The following USP42 variants were observed in gnomAD, a reference collection of about 807,000 sequenced individuals.
The protein encoded by USP42 is ubiquitin specific peptidase 42.
Under a neutral mutation model 113.0 loss-of-function variants are expected in USP42, and 23 were observed. The observed-to-expected ratio is 0.20, with a 90% CI of 0.15 to 0.29. The LOEUF (loss-of-function observed/expected upper bound fraction) is 0.29, where lower values mean the gene tolerates loss of function less well. Among genes scored for constraint, USP42 ranks in the 10% least tolerant of loss-of-function variants. The pLI, the probability that USP42 is intolerant of heterozygous loss-of-function variation, is 1.00. For synonymous variants in USP42, 933 were observed against 699.0 expected, an observed-to-expected ratio of 1.33 and a Z score of -5.28; for missense variants, 2,174 against 1,779.8, an observed-to-expected ratio of 1.22 and a Z score of -3.99.
chr7:6,148,729 T>C (rs1189221728), intron 12 of USP42, among the ~76,000 whole-genome samples: 1 of 152,172 alleles, frequency 6.6e-6, no homozygotes, highest in Non-Finnish European at 1.5e-5. Flanking sequence ...GAGTTTGTTT[T>C]GGATGATCAC....
intron 3 of USP42, among the ~76,000 whole-genome samples, chr7:6,130,099 C>G (rs765903001): frequency 6.6e-6 from 1 of 152,218 alleles, no homozygotes; most frequent in African/African-American, 2.4e-5. Context: ...AGTCCTCTTG[C>G]GTCGACCTCC....
rs768466240 is a variant in USP42, at chr7:6,157,084, A to G, written c.3943+29A>G. 6.5e-7 allele frequency: 1 copy of G among 1,538,824 alleles called. No homozygotes were observed. Among genetic ancestry groups the G allele is most frequent in the South Asian group, 1.3e-5 (1 of 79,536 alleles). ...AGAGGAGATACTTGGAATTAGGAAG[A>G]TAGAAACTATTTCTTAATACATTTT... On this transcript the variant is annotated intron_variant, in intron 16 of 17. Transcript: ENST00000306177. This position sits in a 1 kb window ranked among gnomAD's most constrained non-coding sequence, Gnocchi z 4.1.
chr7:6,083,373 A>G, the USP42 span, among the ~76,000 whole-genome samples: 1 of 150,158 alleles, frequency 6.7e-6, no homozygotes, highest in African/African-American at 2.5e-5. Flanking sequence ...CTCCTGCCTC[A>G]GCCTCTCAAG....
chr7:6,145,466 G>C, intron 9 of USP42, 50 bp from the exon 10 acceptor site: 1 of 1,610,970 alleles, frequency 6.2e-7, no homozygotes, highest in Non-Finnish European at 8.5e-7. Flanking sequence ...TGAATATGTG[G>C]AATGATCTGT....
At chr7:6,141,902 T>G (rs1421894655) in intron 7 of USP42, among the ~76,000 whole-genome samples, 1 of 152,246 alleles carries the variant, frequency 6.6e-6, no homozygotes, top group African/African-American at 2.4e-5. Flanking sequence ...TATTGTTCAC[T>G]TTTTATATAA....
intron 12 of USP42, 91 bp downstream of exon 12, chr7:6,147,983 C>A: frequency 7.8e-7 from 1 of 1,274,924 alleles, no homozygotes; most frequent in South Asian, 1.4e-5. Flanking sequence ...TTGCTGTGTC[C>A]TCAAATACAT....
At chr7:6,098,461 T>C in the USP42 span, among the ~76,000 whole-genome samples, 1 of 150,184 alleles carries the variant, frequency 6.7e-6, no homozygotes, top group South Asian at 2.1e-4. Flanking sequence ...ATTCCACTCC[T>C]CCCTTAGCAG....
chr7:6,145,424 C>T (rs2128509400), intron 9 of USP42, 92 bp from the exon 10 acceptor site: 2 of 1,490,358 alleles, frequency 1.3e-6, no homozygotes, highest in East Asian at 4.6e-5. Context: ...CTGTGGGTCT[C>T]CCCTCCTAGG....
chr7:6,143,834 T>C (rs1781560493), intron 8 of USP42, among the ~76,000 whole-genome samples: 1 of 152,188 alleles, frequency 6.6e-6, no homozygotes, highest in African/African-American at 2.4e-5. Flanking sequence ...TTTAACATTA[T>C]TGGTGGCTTG....
chr7:6,130,028 C>T (rs1160375025), intron 3 of USP42, among the ~76,000 whole-genome samples: 2 of 151,864 alleles, frequency 1.3e-5, no homozygotes, highest in Non-Finnish European at 2.9e-5. Flanking sequence ...CTTTGTTGTC[C>T]AGGCTGGAGT....
intron 14 of USP42, 117 bp from the exon 15 acceptor site, chr7:6,153,634 AATAAT>A (rs1782200857): frequency 8.2e-7 from 1 of 1,218,098 alleles, no homozygotes. Context: ...AAAGTATAAT[AATAAT>A]AAAATAAAGA....
upstream of USP42, among the ~76,000 whole-genome samples, chr7:6,100,004 C>CTATTAT (rs1554332997): frequency 3.7e-4 from 53 of 144,330 alleles, 3 homozygotes; most frequent in African/African-American, 5.6e-4. Context: ...TTTCACAAGT[C>CTATTAT]TATTATTATT....
chr7:6,116,996 T>C (rs1779946982), intron 3 of USP42: 1 of 409,880 alleles, frequency 2.4e-6, no homozygotes, highest in Non-Finnish European at 4.8e-6. Flanking sequence ...CTCCCTCCCT[T>C]CCTCCCTCTC....
At chr7:6,088,899 A>G in the USP42 span, 2 of 150,954 alleles carry the variant, frequency 1.3e-5, no homozygotes, top group East Asian at 3.9e-4. Context: ...TGGAAGGAAC[A>G]TGTAGGTATA....
intron 3 of USP42, among the ~76,000 whole-genome samples, chr7:6,126,148 G>A (rs1158453705): frequency 6.6e-6 from 1 of 152,120 alleles, no homozygotes; most frequent in Non-Finnish European, 1.5e-5. Flanking sequence ...ACAGTGTTAC[G>A]TGAATTATAT....
intron 3 of USP42, among the ~76,000 whole-genome samples, chr7:6,119,148 G>A (rs2128484239): frequency 6.6e-6 from 1 of 152,220 alleles, no homozygotes; most frequent in South Asian, 2.1e-4. Context: ...CTGGGAGTTT[G>A]AGGCTGCCGT....
chr7:6,117,821 T>C (rs957970438), intron 3 of USP42, among the ~76,000 whole-genome samples: 1 of 152,216 alleles, frequency 6.6e-6, no homozygotes, highest in African/African-American at 2.4e-5. Flanking sequence ...CTTTTCTTTT[T>C]TGTTTTGTTT....
Position 6,158,543 on chromosome 7 carries a change from G to C in USP42, c.3944-907G>C, listed in dbSNP as rs772109073. ...TTGATTGAGGGGTAAACGGTCCTTA[G>C]AGTGTGTGAGAGAGAGCTGGGGGTT... On this transcript the variant is annotated intron_variant, in intron 16 of 17. Transcript: ENST00000306177. The surrounding 1 kb of genome is among the most constrained non-coding windows in gnomAD (Gnocchi z 4.2). Among the ~76,000 whole-genome samples the C allele has an allele frequency of 3.3e-5, 5 of 152,216 alleles. No homozygotes were observed. The highest frequency in any genetic ancestry group is 7.3e-5 in the Non-Finnish European group (5 of 68,038).
At chr7:6,086,414 C>A in the USP42 span, among the ~76,000 whole-genome samples, 1 of 150,732 alleles carries the variant, frequency 6.6e-6, no homozygotes, top group African/African-American at 2.5e-5. Context: ...ACCGTGTTAG[C>A]CAGGATGGTC....
Sources: gnomAD v4.1 joint callset for allele counts (sites outside exome capture counted in the v4.1 genomes callset) on GRCh38, gnomAD v4.1.1 for gene constraint, Gnocchi (gnomAD v3.1) non-coding constraint, MANE v1.5 for transcripts, NCBI Gene and HGNC (gene_info 2026-07-23, HGNC 2026-07-21) for gene names.